Variants in SH3KBP1 observed in about 807,000 individuals in gnomAD.
The protein encoded by SH3KBP1 is SH3 domain containing kinase binding protein 1.
Under a neutral mutation model 50.1 loss-of-function variants are expected in SH3KBP1, and 8 were observed. The ratio of observed to expected loss-of-function variants is 0.16; its 90% CI spans 0.09 to 0.29. SH3KBP1 has a LOEUF of 0.29. SH3KBP1 is among the 10% of genes least tolerant of loss of function. The pLI, the probability that SH3KBP1 is intolerant of heterozygous loss-of-function variation, is 1.00. For synonymous variants in SH3KBP1, 227 were observed against 218.6 expected, an observed-to-expected ratio of 1.04 and a Z score of -0.34; for missense variants, 377 against 535.2, an observed-to-expected ratio of 0.70 and a Z score of 2.92.
chrX:19,619,963 C>T (rs1372187488), intron 8 of SH3KBP1, among the ~76,000 whole-genome samples: 1 of 111,613 alleles, frequency 9.0e-6, no homozygotes, highest in Non-Finnish European at 1.9e-5. Flanking sequence ...TCTAATGGCA[C>T]CTTCAGCTCA....
intron 6 of SH3KBP1, among the ~76,000 whole-genome samples, chrX:19,648,438 AGGAAGGAG>A (rs2148415096): frequency 1.0e-5 from 1 of 98,643 alleles, no homozygotes; most frequent in South Asian, 6.1e-4. Context: ...GAGGGAAGGA[AGGAAGGAG>A]GGAAGGAGGG....
At chrX:19,660,506 C>G (rs1422821049) in intron 6 of SH3KBP1, among the ~76,000 whole-genome samples, 6 of 111,467 alleles carry the variant, frequency 5.4e-5, no homozygotes, top group African/African-American at 2.0e-4. Flanking sequence ...AAAGCAACAG[C>G]CATCACCACA....
intron 15 of SH3KBP1, among the ~76,000 whole-genome samples, chrX:19,542,988 G>A (rs1461895883): frequency 1.8e-5 from 2 of 112,091 alleles, no homozygotes; most frequent in African/African-American, 6.5e-5. Flanking sequence ...GAGAACTGCT[G>A]GGAGAGTCTT....
intron 2 of SH3KBP1, among the ~76,000 whole-genome samples, chrX:19,796,908 G>A (rs1285835338): frequency 8.9e-6 from 1 of 112,272 alleles, no homozygotes; most frequent in Non-Finnish European, 1.9e-5. Context: ...GAGGGGGCCA[G>A]CCACATAAAA....
chrX:19,779,860 C>A (rs1234854481), intron 2 of SH3KBP1, among the ~76,000 whole-genome samples: 1 of 94,358 alleles, frequency 1.1e-5, no homozygotes, highest in Non-Finnish European at 2.1e-5. Flanking sequence ...CAAGTCTTTG[C>A]TATTGTGAAT....
At chrX:19,632,437 C>T (rs2061599857) in intron 7 of SH3KBP1, among the ~76,000 whole-genome samples, 1 of 112,659 alleles carries the variant, frequency 8.9e-6, no homozygotes, top group Non-Finnish European at 1.9e-5. Context: ...AAAAGTTACC[C>T]CATTATGGTA....
chrX:19,576,830 C>T (rs746849286), intron 12 of SH3KBP1, among the ~76,000 whole-genome samples: 24 of 111,693 alleles, frequency 2.1e-4, no homozygotes, highest in Admixed American at 1.2e-3. Context: ...GTGCTGTCAG[C>T]AGGCAGCTGC....
chrX:19,759,305 C>T (rs963735095), intron 2 of SH3KBP1, among the ~76,000 whole-genome samples: 1 of 111,410 alleles, frequency 9.0e-6, no homozygotes, highest in African/African-American at 3.3e-5. Flanking sequence ...TCCCTAAGAC[C>T]GTTCTTGCTC....
chrX:19,700,015 T>A (rs2063506598), intron 4 of SH3KBP1, among the ~76,000 whole-genome samples: 1 of 111,431 alleles, frequency 9.0e-6, no homozygotes, highest in Non-Finnish European at 1.9e-5. Flanking sequence ...TGACTATAGC[T>A]TTTTTTCATC....
chrX:19,793,062 C>T (rs1360310411), intron 2 of SH3KBP1, among the ~76,000 whole-genome samples: 1 of 109,443 alleles, frequency 9.1e-6, no homozygotes, highest in African/African-American at 3.3e-5. Context: ...TTTGGGAGGC[C>T]GAGGTGGGAG....
chrX:19,773,530 C>T (rs1375963809), intron 2 of SH3KBP1, among the ~76,000 whole-genome samples: 4 of 108,495 alleles, frequency 3.7e-5, no homozygotes, highest in African/African-American at 1.3e-4. Flanking sequence ...CACGTGCATG[C>T]ACACACAGAC....
chrX:19,551,946 T>A (rs747904763), intron 13 of SH3KBP1, among the ~76,000 whole-genome samples: 2 of 111,539 alleles, frequency 1.8e-5, no homozygotes, highest in Non-Finnish European at 3.8e-5. Context: ...GTATAATTTT[T>A]AAAAAACAAA....
At chrX:19,845,005 G>A (rs2068326961) in intron 1 of SH3KBP1, among the ~76,000 whole-genome samples, 1 of 111,110 alleles carries the variant, frequency 9.0e-6, no homozygotes, top group Non-Finnish European at 1.9e-5. Context: ...CTTCAACCCG[G>A]GAGGCAGAGG....
At chrX:19,599,119 C>T (rs892863009) in intron 9 of SH3KBP1, among the ~76,000 whole-genome samples, 1 of 111,598 alleles carries the variant, frequency 9.0e-6, no homozygotes, top group Admixed American at 9.5e-5. Context: ...AGGACACCTA[C>T]CCCTGGACAT....
At chrX:19,680,787 A>G (rs1284135475) in intron 6 of SH3KBP1, among the ~76,000 whole-genome samples, 2 of 112,126 alleles carry the variant, frequency 1.8e-5, no homozygotes, top group Non-Finnish European at 3.8e-5. Context: ...CGCCAACAAC[A>G]TGGGGTGGAG....
chrX:19,618,978 A>C (rs2067715283), intron 8 of SH3KBP1, among the ~76,000 whole-genome samples: 3 of 55,899 alleles, frequency 5.4e-5, no homozygotes, highest in Admixed American at 3.4e-4. Context: ...AAAAACGAAC[A>C]AAAAAAAAAA....
intron 2 of SH3KBP1, among the ~76,000 whole-genome samples, chrX:19,763,165 G>A (rs1188946595): frequency 9.0e-6 from 1 of 111,441 alleles, no homozygotes; most frequent in African/African-American, 3.3e-5. Flanking sequence ...ATACCACAAA[G>A]GCAACTGAGG....
intron 2 of SH3KBP1, among the ~76,000 whole-genome samples, chrX:19,796,937 A>G (rs1381592741): frequency 8.9e-6 from 1 of 112,358 alleles, no homozygotes; most frequent in African/African-American, 3.2e-5. Flanking sequence ...TGGCTCTATC[A>G]GCTTGCAGTC....
chrX:19,841,901 T>A (rs938115428), intron 1 of SH3KBP1, among the ~76,000 whole-genome samples: 1 of 13,187 alleles, frequency 7.6e-5, no homozygotes, highest in Non-Finnish European at 1.4e-4. Flanking sequence ...TTTCACACCA[T>A]TGATGCGGGC....
Sources: allele counts gnomAD v4.1 joint callset (sites outside exome capture counted in the v4.1 genomes callset), GRCh38; gene constraint gnomAD v4.1.1; transcripts MANE v1.5; gene names NCBI Gene and HGNC (gene_info 2026-07-23, HGNC 2026-07-21).